The following SPATA31D3 variants were observed in gnomAD, a reference collection of about 807,000 sequenced individuals.
SPATA31D3 encodes the protein SPATA31 subfamily D member 3.
For synonymous variants in SPATA31D3, 27 were observed against 107.8 expected (o/e 0.25, Z 4.65); for missense variants, 91 against 297.9 (o/e 0.31, Z 5.11).
chr9:81,950,034 A>G lies in SPATA31D3; in HGVS notation c.*2027A>G, dbSNP rs529714533. ...CAGGGAGGAAAATTTCCCCCCAAAA[A>G]ATAATTAACTCCTTGTTGAGAATCT... On this transcript the variant is annotated 3_prime_UTR_variant, in exon 4 of 4. Transcript: ENST00000445385. 6.1e-6 allele frequency: 2 copies of G among 329,668 alleles called. No individual in the cohort carries two copies. Among genetic ancestry groups the G allele is most frequent in the Admixed American group, 4.4e-5 (1 of 22,850 alleles). 20.4% of individuals were successfully genotyped at this position (329,668 alleles called of 1,614,324 possible).
chr9:81,948,148 G>T lies in SPATA31D3; in HGVS notation c.*141G>T. ...TTCTCAGGGAGATTCCAAAGATGGGGTCTCTAAGTCTTGTAGACGAAGCAC... is the reference window on the plus strand; with the variant it reads ...TTCTCAGGGAGATTCCAAAGATGGGTTCTCTAAGTCTTGTAGACGAAGCAC... On this transcript the variant is annotated 3_prime_UTR_variant, in exon 4 of 4. Coordinates refer to ENST00000445385, the MANE Select transcript of SPATA31D3 (RefSeq NM_207416.3). 4.2e-6 allele frequency: 6 copies of T among 1,414,738 alleles called. 1 individual carries two copies. The highest frequency in any genetic ancestry group is 4.8e-6 in the Non-Finnish European group (5 of 1,051,202). 87.6% of individuals were successfully genotyped at this position (1,414,738 alleles called of 1,614,324 possible). A position where few individuals can be genotyped will look rare whatever the true frequency, so the allele number is the denominator to read the frequency against.
rs1286013207 is a variant in SPATA31D3 at position 81,949,125 on chromosome 9, G to T, written c.*1118G>T. 4.8e-6 allele frequency: 3 copies of T among 625,806 alleles called. No homozygotes were observed. The highest frequency in any genetic ancestry group is 8.6e-6 in the Non-Finnish European group (3 of 346,872). 38.8% of individuals were successfully genotyped at this position (625,806 alleles called of 1,614,324 possible). A position where few individuals can be genotyped will look rare whatever the true frequency, so the allele number is the denominator to read the frequency against. Reference sequence around the variant, plus strand: ...GTGTGGCACAGCAGCAGGAGCCCAGGGTCCCTACGCATGTCTTACAGAAAT... The same window carrying T: ...GTGTGGCACAGCAGCAGGAGCCCAGTGTCCCTACGCATGTCTTACAGAAAT... On this transcript the variant is annotated 3_prime_UTR_variant, in exon 4 of 4. Transcript: ENST00000445385.
rs899776790 is a variant in SPATA31D3 at position 81,949,937 on chromosome 9, A to G, written c.*1930A>G. 3.6e-6 allele frequency: 2 copies of G among 562,566 alleles called. No homozygotes were observed. Among genetic ancestry groups the G allele is most frequent in the African/African-American group, 3.8e-5 (2 of 53,048 alleles). 34.8% of individuals were successfully genotyped at this position (562,566 alleles called of 1,614,324 possible). On this transcript the variant is annotated 3_prime_UTR_variant, in exon 4 of 4. Coordinates refer to ENST00000445385, the MANE Select transcript of SPATA31D3 (RefSeq NM_207416.3). ...CAACCTGGTGCCTCCGGTCATCCTG[A>G]CCAGTGCTAAAAACACTGTGTTCAG... is the stretch of plus-strand genomic sequence containing the variant.
intron 2 of SPATA31D3, 131 bp from the exon 3 acceptor site, chr9:81,945,041 A>C (rs1421422687): frequency 5.5e-5 from 19 of 342,998 alleles, no homozygotes; most frequent in African/African-American, 3.3e-4. Context: ...TTATCAATGA[A>C]TATTTGCCCT....
At position 81,947,795 on chromosome 9, in the gene SPATA31D3, C is replaced by T. The variant is rs1823918356; in HGVS notation, c.2542C>T (p.His848Tyr). The change falls in exon 4 of 4, where the codon CAT (histidine) becomes TAT (tyrosine). Residue 848 changes from histidine (H) to tyrosine (Y), a missense_variant. By Grantham distance (83) the His-to-Tyr change is moderately conservative (BLOSUM62 2). Transcript: ENST00000445385. ...TGAGGGTCGAATGCCTGGGACTGTG[C>T]ATAGTTCATGGCACTCAGTCAAGCA... ...INEGRMPGTV[H>Y]SSWHSVKQTI... 6.2e-7 allele frequency: 1 copy of T among 1,601,966 alleles called. No homozygotes were observed. The highest frequency in any genetic ancestry group is 8.5e-7 in the Non-Finnish European group (1 of 1,175,024).
chr9:81,945,847 A>C lies in SPATA31D3; in HGVS notation c.594A>C (p.Ser198=). 1.2e-4 allele frequency: 1 copy of C among 8,522 alleles called. No individual in the cohort carries two copies. Among genetic ancestry groups the C allele is most frequent in the African/African-American group, 2.5e-3 (1 of 394 alleles). 0.5% of individuals were successfully genotyped at this position (8,522 alleles called of 1,614,324 possible). The change falls in exon 4 of 4, where the codon TCA becomes TCC. Residue 198 remains serine (S), a synonymous_variant. Coordinates refer to ENST00000445385, the MANE Select transcript of SPATA31D3 (RefSeq NM_207416.3). ...CTCCACCACCCCCCTTAATTCTCTCACCTGACCTGATCACCACCTTAGCTG... is the reference window on the plus strand; with the variant it reads ...CTCCACCACCCCCCTTAATTCTCTCCCCTGACCTGATCACCACCTTAGCTG... ...KPSPPPPLIL[S]PDLITTLADL...
Position 81,947,846 on chromosome 9 carries a change from C to T in SPATA31D3, c.2593C>T (p.His865Tyr). Reference protein sequence around the residue: ...KQTICLPEKSHSQIKHRNLAA... With the variant: ...KQTICLPEKSYSQIKHRNLAA... ...GACAATATGTCTTCCTGAGAAATCC[C>T]ACAGCCAAATTAAACATCGAAATTT... The change falls in exon 4 of 4, where the codon CAC (histidine) becomes TAC (tyrosine). Residue 865 changes from histidine to tyrosine, a missense_variant. Physicochemically the swap from His to Tyr is moderately conservative, Grantham distance 83. Coordinates refer to ENST00000445385, the MANE Select transcript of SPATA31D3 (RefSeq NM_207416.3). 6.2e-7 allele frequency: 1 copy of T among 1,609,226 alleles called. No homozygotes were observed. Among genetic ancestry groups the T allele is most frequent in the Non-Finnish European group, 8.5e-7 (1 of 1,178,354 alleles).
chr9:81,949,132 A>G lies in SPATA31D3; in HGVS notation c.*1125A>G. 6.5e-6 allele frequency: 4 copies of G among 612,082 alleles called. No homozygotes were observed. The highest frequency in any genetic ancestry group is 1.2e-5 in the Non-Finnish European group (4 of 338,368). The allele number at this position is 612,082 out of a possible 1,614,324, so 37.9% of individuals were successfully genotyped here. A position where few individuals can be genotyped will look rare whatever the true frequency, so the allele number is the denominator to read the frequency against. On this transcript the variant is annotated 3_prime_UTR_variant, in exon 4 of 4. Coordinates refer to ENST00000445385, the MANE Select transcript of SPATA31D3 (RefSeq NM_207416.3). ...ACAGCAGCAGGAGCCCAGGGTCCCT[A>G]CGCATGTCTTACAGAAATGCCAAGT...
rs367833743 is a variant in SPATA31D3 at position 81,949,373 on chromosome 9, C to G, written c.*1366C>G. Reference sequence around the variant, plus strand: ...AACCTTTTCGGAACATTGATGAAGACCTTTTTGCAGCAGTCTAATAAACCC... The same window carrying G: ...AACCTTTTCGGAACATTGATGAAGAGCTTTTTGCAGCAGTCTAATAAACCC... On this transcript the variant is annotated 3_prime_UTR_variant, in exon 4 of 4. Transcript: ENST00000445385. 1.1e-4 allele frequency: 38 copies of G among 354,592 alleles called. No individual in the cohort carries two copies. The East Asian group carries it at 2.1e-3, about 19-fold the overall frequency. The allele number at this position is 354,592 out of a possible 1,614,324, so 22.0% of individuals were successfully genotyped here.
In SPATA31D3 at chr9:81,949,618, C is replaced by T; in HGVS notation, c.*1611C>T. Reference sequence around the variant, plus strand: ...CCAGGAGCCCCTTTCCTCCCCAGTGCAGCTTGGGAAATCTCAGAATGTGCC... The same window carrying T: ...CCAGGAGCCCCTTTCCTCCCCAGTGTAGCTTGGGAAATCTCAGAATGTGCC... On this transcript the variant is annotated 3_prime_UTR_variant, in exon 4 of 4. Coordinates refer to ENST00000445385, the MANE Select transcript of SPATA31D3 (RefSeq NM_207416.3). 2 of 752,934 alleles carry T rather than the reference C, an allele frequency of 2.7e-6. No homozygotes were observed. Among genetic ancestry groups the T allele is most frequent in the East Asian group, 2.6e-5 (1 of 38,108 alleles). 46.6% of individuals were successfully genotyped at this position (752,934 alleles called of 1,614,324 possible). A position where few individuals can be genotyped will look rare whatever the true frequency, so the allele number is the denominator to read the frequency against.
Position 81,948,131 on chromosome 9 carries a change from G to A in SPATA31D3, c.*124G>A. The A allele has an allele frequency of 7.1e-7, 1 of 1,404,866 alleles. No homozygotes were observed. The highest frequency in any genetic ancestry group is 9.6e-7 in the Non-Finnish European group (1 of 1,044,366). 87.0% of individuals were successfully genotyped at this position (1,404,866 alleles called of 1,614,324 possible). A position where few individuals can be genotyped will look rare whatever the true frequency, so the allele number is the denominator to read the frequency against. ...TCCTCAGCCAGCTTTATTTCTCAGG[G>A]AGATTCCAAAGATGGGGTCTCTAAG... On this transcript the variant is annotated 3_prime_UTR_variant, in exon 4 of 4. Transcript: ENST00000445385.
Position 81,949,802 on chromosome 9 carries a change from A to T in SPATA31D3, c.*1795A>T, listed in dbSNP as rs2133373659. 1 of 1,252,690 alleles carries T rather than the reference A, an allele frequency of 8.0e-7. No homozygotes were observed. The highest frequency in any genetic ancestry group is 1.2e-5 in the South Asian group (1 of 81,776). 77.6% of individuals were successfully genotyped at this position (1,252,690 alleles called of 1,614,324 possible). A position where few individuals can be genotyped will look rare whatever the true frequency, so the allele number is the denominator to read the frequency against. ...AGACAGATCATAGACAAGGACAGAT[A>T]GCCCCAGGAAGTTGGACATTTAAGG... is the stretch of plus-strand genomic sequence containing the variant. On this transcript the variant is annotated 3_prime_UTR_variant, in exon 4 of 4. Transcript: ENST00000445385.
rs1467353177 is a variant in SPATA31D3, at chr9:81,948,058, A to C, written c.*51A>C. On this transcript the variant is annotated 3_prime_UTR_variant, in exon 4 of 4. Transcript: ENST00000445385. ...GATCCGTGAACCCACAGAAATCTTC[A>C]AATCAGAAGAGGATATTTCCAATTC... 1.3e-6 allele frequency: 2 copies of C among 1,594,130 alleles called. No homozygotes were observed. Among genetic ancestry groups the C allele is most frequent in the East Asian group, 4.5e-5 (2 of 44,144 alleles).
rs1400859206 is a variant in SPATA31D3 at position 81,949,038 on chromosome 9, C to G, written c.*1031C>G. On this transcript the variant is annotated 3_prime_UTR_variant, in exon 4 of 4. Coordinates refer to ENST00000445385, the MANE Select transcript of SPATA31D3 (RefSeq NM_207416.3). ...ACTTACTGACTCATGCCCAGGGCAT[C>G]TCGAATCAGGACTTGGGAACTTCCC... The G allele has an allele frequency of 4.3e-6, 2 of 464,830 alleles. No individual in the cohort carries two copies. The highest frequency in any genetic ancestry group is 3.9e-5 in the African/African-American group (2 of 50,876). 28.8% of individuals were successfully genotyped at this position (464,830 alleles called of 1,614,324 possible).
rs1564153295 is a variant in SPATA31D3 at position 81,947,550 on chromosome 9, T to C, written c.2297T>C (p.Val766Ala). ...RSSNMLSMEN[V>A]GNYQGCSQET... is the part of the protein sequence containing the mutation. ...TCAAATATGCTTTCCATGGAGAATG[T>C]GGGGAATTATCAGGGATGCAGCCAG... The change falls in exon 4 of 4, where the codon GTG becomes GCG. Residue 766 changes from valine to alanine, a missense_variant. Physicochemically the swap from Val to Ala is moderately conservative, Grantham distance 64. Coordinates refer to ENST00000445385, the MANE Select transcript of SPATA31D3 (RefSeq NM_207416.3). 6 of 1,519,930 alleles carry C rather than the reference T, an allele frequency of 3.9e-6. No individual in the cohort carries two copies. The East Asian group carries it at 1.5e-4, about 38-fold the overall frequency. The allele number at this position is 1,519,930 out of a possible 1,614,324, so 94.2% of individuals were successfully genotyped here. A position where few individuals can be genotyped will look rare whatever the true frequency, so the allele number is the denominator to read the frequency against.
chr9:81,949,817 G>A lies in SPATA31D3; in HGVS notation c.*1810G>A, dbSNP rs1177631251. ...AAGGACAGATAGCCCCAGGAAGTTG[G>A]ACATTTAAGGGGAAGATATTGTGTC... On this transcript the variant is annotated 3_prime_UTR_variant, in exon 4 of 4. Coordinates refer to ENST00000445385, the MANE Select transcript of SPATA31D3 (RefSeq NM_207416.3). 4.3e-6 allele frequency: 5 copies of A among 1,157,202 alleles called. No individual in the cohort carries two copies. The East Asian group carries it at 1.2e-4, about 27-fold the overall frequency. The allele number at this position is 1,157,202 out of a possible 1,614,324, so 71.7% of individuals were successfully genotyped here.
At position 81,949,678 on chromosome 9, in the gene SPATA31D3, T is replaced by C. The variant is rs368235777; in HGVS notation, c.*1671T>C. On this transcript the variant is annotated 3_prime_UTR_variant, in exon 4 of 4. Transcript: ENST00000445385. ...GGTCAGAGCAGAGCCTGTCCAGGGC[T>C]ATCCCTGCAACTACATGGCTCCCTC... 1.1e-5 allele frequency: 13 copies of C among 1,229,796 alleles called. 1 individual carries two copies. In the African/African-American group the frequency reaches 1.3e-4, roughly 13 times the overall value. 76.2% of individuals were successfully genotyped at this position (1,229,796 alleles called of 1,614,324 possible). A position where few individuals can be genotyped will look rare whatever the true frequency, so the allele number is the denominator to read the frequency against.
Position 81,949,751 on chromosome 9 carries a change from T to C in SPATA31D3, c.*1744T>C, listed in dbSNP as rs1587488535. The C allele has an allele frequency of 7.1e-7, 1 of 1,402,910 alleles. No individual in the cohort carries two copies. The highest frequency in any genetic ancestry group is 2.3e-5 in the East Asian group (1 of 43,498). 86.9% of individuals were successfully genotyped at this position (1,402,910 alleles called of 1,614,324 possible). A position where few individuals can be genotyped will look rare whatever the true frequency, so the allele number is the denominator to read the frequency against. Reference sequence around the variant, plus strand: ...TCTTGCAGCCAACAAGCTATCTTTGTCGGCCAGAATTATCCTGCAATGATT... The same window carrying C: ...TCTTGCAGCCAACAAGCTATCTTTGCCGGCCAGAATTATCCTGCAATGATT... On this transcript the variant is annotated 3_prime_UTR_variant, in exon 4 of 4. Transcript: ENST00000445385.
At chr9:81,945,348 T>A (rs1337110358) in intron 3 of SPATA31D3, 116 bp downstream of exon 3, 1 of 385,598 alleles carries the variant, frequency 2.6e-6, no homozygotes, top group African/African-American at 3.3e-5. Flanking sequence ...GGATTCCTTG[T>A]AGCCTGCTGT....
Sources: gnomAD v4.1 joint callset for allele counts on GRCh38, gnomAD v4.1.1 for gene constraint, MANE v1.5 for transcripts, NCBI Gene and HGNC (gene_info 2026-07-23, HGNC 2026-07-21) for gene names.